TUBGCP5: variants seen among roughly 807,000 people sequenced by gnomAD.
The protein encoded by TUBGCP5 is tubulin gamma complex component 5, also known as gamma-tubulin complex component 5.
TUBGCP5 carries 98 observed loss-of-function variants against 134.7 expected under a neutral mutation model. The observed-to-expected ratio is 0.73, with a 90% CI of 0.62 to 0.86. TUBGCP5 has a LOEUF of 0.86. TUBGCP5 is among the 40% of genes least tolerant of loss of function. The probability of loss-of-function intolerance (pLI) is 0.00; values close to 1 mark genes in which losing one functional copy is unlikely to be tolerated. For synonymous variants in TUBGCP5, 456 were observed against 431.4 expected (o/e 1.06, Z -0.71); for missense variants, 1,150 against 1,244.8 (o/e 0.92, Z 1.15).
Position 23,021,960 on chromosome 15 carries a change from G to A in TUBGCP5, c.1370C>T (p.Thr457Ile), listed in dbSNP as rs767387373. ...YDNVGEASEQ[T>I]VSLLFSLWVE... The stretch of plus-strand genomic sequence containing the variant: ...ACTTTAGGCAGAAGTCTCACTTACG[G>A]TTTGCTCAGAGGCTTCTCCAACATT... Residue 457 changes from threonine to isoleucine, a missense_variant and splice_region_variant, in exon 11 of 23, where the codon ACC becomes ATC. This residue lies in a region of TUBGCP5 where 697 missense variants were observed against 850.1 expected (regional missense o/e 0.82). Coordinates refer to ENST00000615383, the MANE Select transcript of TUBGCP5 (RefSeq NM_052903.6). 3 of 1,614,076 alleles carry A rather than the reference G, an allele frequency of 1.9e-6. No homozygotes were observed. The highest frequency in any genetic ancestry group is 1.7e-6 in the Non-Finnish European group (2 of 1,179,944).
At chr15:22,987,582 G>A (rs957284614) in intron 23 of TUBGCP5, among the ~76,000 whole-genome samples, 1 of 151,746 alleles carries the variant, frequency 6.6e-6, no homozygotes, top group Non-Finnish European at 1.5e-5. Context: ...TCATGAGTGG[G>A]ATTTGTGCCC....
At position 23,006,349 on chromosome 15, in the gene TUBGCP5, T is replaced by C. The variant is rs1331997663; in HGVS notation, c.2331A>G (p.Leu777=). The part of the protein sequence containing the change: ...GQRYPEDSSR[L]SISFENVDTA... Reference sequence around the variant, plus strand: ...TGTCAACATTTTCAAAAGATATAGATAGACTAAAGAAAGAAATTCCAGTTT... The same window carrying C: ...TGTCAACATTTTCAAAAGATATAGACAGACTAAAGAAAGAAATTCCAGTTT... The change falls in exon 17 of 23, where the codon CTA becomes CTG. Residue 777 remains leucine, a synonymous_variant. Transcript: ENST00000615383. 11 of 1,594,010 alleles carry C rather than the reference T, an allele frequency of 6.9e-6. No homozygotes were observed. The highest frequency in any genetic ancestry group is 5.4e-5 in the African/African-American group (4 of 73,780).
chr15:22,984,974 A>T (rs921275842), intron 23 of TUBGCP5, among the ~76,000 whole-genome samples: 1 of 152,220 alleles, frequency 6.6e-6, no homozygotes, highest in Non-Finnish European at 1.5e-5. Flanking sequence ...TGCAATACAT[A>T]TAACAGACAG....
chr15:23,030,601 T>TAAAAAAAAAAAAAAAAAAAAAAAAA (rs10632423), intron 6 of TUBGCP5, among the ~76,000 whole-genome samples: 1 of 119,546 alleles, frequency 8.4e-6, no homozygotes, highest in Non-Finnish European at 1.8e-5. Context: ...CTTCTCCAAT[T>TAAAAAAAAAAAAAAAAAAAAAAAAA]AAAAAAAAAA....
At chr15:23,011,450 T>G (rs1226252527) in intron 13 of TUBGCP5, 119 bp from the exon 14 acceptor site, 2 of 295,538 alleles carry the variant, frequency 6.8e-6, no homozygotes, top group African/African-American at 2.2e-5. Context: ...TATATTTATA[T>G]ATAAATATTA....
chr15:23,008,763 C>G lies in TUBGCP5; in HGVS notation c.2263G>C (p.Val755Leu), dbSNP rs767821264. The stretch of plus-strand genomic sequence containing the variant: ...TGGAGTTGGACATTAAGAAAAGACA[C>G]ATTCTGCCATGTTTCCTTTTCTCTT... Reference protein sequence around the residue: ...KIREKETWQNVSFLNVQLQEA... With the variant: ...KIREKETWQNLSFLNVQLQEA... The change falls in exon 16 of 23, where the codon GTG (valine) becomes CTG (leucine). Residue 755 changes from valine (V) to leucine (L), a missense_variant. By Grantham distance (32) the Val-to-Leu change is conservative (BLOSUM62 1). This residue lies in a region of TUBGCP5 where 697 missense variants were observed against 850.1 expected (regional missense o/e 0.82). Transcript: ENST00000615383. 4.4e-6 allele frequency: 7 copies of G among 1,608,644 alleles called. No homozygotes were observed. Among genetic ancestry groups the G allele is most frequent in the Non-Finnish European group, 5.9e-6 (7 of 1,178,814 alleles).
chr15:23,015,550 G>C (rs1390436212), intron 13 of TUBGCP5, among the ~76,000 whole-genome samples: 2 of 152,016 alleles, frequency 1.3e-5, no homozygotes, highest in Non-Finnish European at 1.5e-5. Flanking sequence ...ACTGAGGCAA[G>C]AGAATGACTT....
chr15:23,028,607 GAAAAA>G, intron 6 of TUBGCP5, among the ~76,000 whole-genome samples: 1 of 150,752 alleles, frequency 6.6e-6, no homozygotes, highest in Admixed American at 6.6e-5. Context: ...AAGACTTCTA[GAAAAA>G]AAAAGTAATA....
At chr15:23,011,847 G>A (rs1273772798) in intron 13 of TUBGCP5, among the ~76,000 whole-genome samples, 1 of 150,198 alleles carries the variant, frequency 6.7e-6, no homozygotes, top group Non-Finnish European at 1.5e-5. Flanking sequence ...CGGGTGCAGT[G>A]GCTCATGCCT....
intron 23 of TUBGCP5, among the ~76,000 whole-genome samples, chr15:22,992,388 G>C (rs145056774): frequency 1.3e-5 from 2 of 152,044 alleles, no homozygotes; most frequent in African/African-American, 2.4e-5. Context: ...GGAAACTGAC[G>C]AATCAGTTTA....
At chr15:22,996,179 G>A (rs765763), downstream of TUBGCP5, among the ~76,000 whole-genome samples, 52,796 of 152,138 alleles carry the variant, frequency 0.35, 9,786 homozygotes, top group African/African-American at 0.43. Flanking sequence ...GTAAGAAAAT[G>A]CCATATAGTT....
chr15:23,024,430 G>T, intron 9 of TUBGCP5: 1 of 483,292 alleles, frequency 2.1e-6, no homozygotes, highest in Non-Finnish European at 3.5e-6. Context: ...ATAAGTAAAT[G>T]TACTTAAAGC....
chr15:23,020,501 A>G (rs34230326), intron 11 of TUBGCP5, among the ~76,000 whole-genome samples: 20,160 of 148,478 alleles, frequency 0.14, 1,768 homozygotes, highest in East Asian at 0.46. Flanking sequence ...CAGAAGAATC[A>G]CTTGAACCTG....
At chr15:23,036,266 G>A (rs1244300071) in intron 3 of TUBGCP5, among the ~76,000 whole-genome samples, 4 of 152,160 alleles carry the variant, frequency 2.6e-5, no homozygotes, top group African/African-American at 7.2e-5. Flanking sequence ...CCTGGGGGGA[G>A]TGGAGGGTAA....
chr15:23,015,720 G>A (rs1272620137), intron 13 of TUBGCP5, among the ~76,000 whole-genome samples: 1 of 152,160 alleles, frequency 6.6e-6, no homozygotes, highest in African/African-American at 2.4e-5. Flanking sequence ...CCCCCTCACT[G>A]TAGGCCACTG....
At chr15:23,033,040 A>G (rs530050106) in intron 3 of TUBGCP5, among the ~76,000 whole-genome samples, 7 of 152,186 alleles carry the variant, frequency 4.6e-5, no homozygotes, top group Admixed American at 4.6e-4. Flanking sequence ...TCTGAGTTCT[A>G]TATTTCTAAC....
rs939661026 is a variant in TUBGCP5, at chr15:23,013,406, G to A, written c.1757-2075C>T. On this transcript the variant is annotated intron_variant, in intron 13 of 22. Coordinates refer to ENST00000615383, the MANE Select transcript of TUBGCP5 (RefSeq NM_052903.6). The surrounding 1 kb of genome is among the most constrained non-coding windows in gnomAD (Gnocchi z 4.5). Reference sequence around the variant, plus strand: ...GTTCGCAGTGAGCCGAGATCGCGCCGCTGCACTCCAGCCTGGGCGACAGGG... The same window carrying A: ...GTTCGCAGTGAGCCGAGATCGCGCCACTGCACTCCAGCCTGGGCGACAGGG... Among the ~76,000 whole-genome samples, 4 of 151,916 alleles carry A rather than the reference G, an allele frequency of 2.6e-5. No homozygotes were observed. The highest frequency in any genetic ancestry group is 2.0e-4 in the Admixed American group (3 of 15,256).
At chr15:23,033,225 A>G (rs1056198601) in intron 3 of TUBGCP5, among the ~76,000 whole-genome samples, 2 of 151,530 alleles carry the variant, frequency 1.3e-5, no homozygotes, top group Non-Finnish European at 2.9e-5. Flanking sequence ...GTCCCCTATT[A>G]ATGAAATTTA....
intron 23 of TUBGCP5, among the ~76,000 whole-genome samples, chr15:22,991,370 A>G (rs2063840543): frequency 1.3e-5 from 2 of 152,298 alleles, no homozygotes; most frequent in South Asian, 4.1e-4. Flanking sequence ...TGCTGGGATT[A>G]CAGGTGTGAG....
Sources: gnomAD v4.1 joint callset for allele counts (sites outside exome capture counted in the v4.1 genomes callset) on GRCh38, gnomAD v4.1.1 for gene constraint, gnomAD v4.1.1 regional missense constraint, Gnocchi (gnomAD v3.1) non-coding constraint, MANE v1.5 for transcripts, NCBI Gene and HGNC (gene_info 2026-07-23, HGNC 2026-07-21) for gene names.